MIDN: variants seen among roughly 807,000 people sequenced by gnomAD.
MIDN encodes midbrain nucleolar protein.
MIDN carries 26 observed loss-of-function variants against 46.1 expected under a neutral mutation model. The ratio of observed to expected loss-of-function variants is 0.56; its 90% confidence interval spans 0.41 to 0.78. The LOEUF is 0.78. Among genes scored for constraint, MIDN ranks in the 30% least tolerant of loss-of-function variants. The pLI, the probability that MIDN is intolerant of heterozygous loss-of-function variation, is 0.00. For missense variants in MIDN, 850 were observed against 771.8 expected (o/e 1.10, Z -1.20); for synonymous variants, 432 against 343.3 (o/e 1.26, Z -2.86).
At chr19:1,250,569 C>G in intron 2 of MIDN, 40 bp downstream of exon 2, 1 of 1,071,708 alleles carries the variant, frequency 9.3e-7, no homozygotes, top group Middle Eastern at 3.6e-4. Context: ...CCCCTCGGGC[C>G]CCGGCCCCCG....
At chr19:1,253,157 GGT>G (rs1452761706) in intron 4 of MIDN, among the ~76,000 whole-genome samples, 1 of 152,022 alleles carries the variant, frequency 6.6e-6, no homozygotes, top group Non-Finnish European at 1.5e-5. Flanking sequence ...GGCGGGTGGT[GGT>G]GGGGACTCCA....
Position 1,257,171 on chromosome 19 carries a change from G to A in MIDN, c.1435G>A (p.Gly479Ser), listed in dbSNP as rs537671815. 7.3e-5 allele frequency: 117 copies of A among 1,611,638 alleles called. 1 individual carries two copies. In the South Asian group the frequency reaches 1.2e-3, roughly 16 times the overall value. ...RSDSSSSGGG[G>S]SPSEASGLGL... Reference sequence around the variant, plus strand: ...CGACAGCAGTAGCAGCGGGGGCGGCGGCAGCCCCAGCGAGGCCTCCGGCTT... The same window carrying A: ...CGACAGCAGTAGCAGCGGGGGCGGCAGCAGCCCCAGCGAGGCCTCCGGCTT... The change falls in exon 9 of 9, where the codon GGC becomes AGC. Residue 479 changes from glycine to serine, a missense_variant. Coordinates refer to ENST00000682408, the MANE Select transcript of MIDN (RefSeq NM_001388306.1).
In MIDN at chr19:1,257,490, C is replaced by T. The variant is rs907074940; in HGVS notation, c.*218C>T. On this transcript the variant is annotated 3_prime_UTR_variant, in exon 9 of 9. Coordinates refer to ENST00000682408, the MANE Select transcript of MIDN (RefSeq NM_001388306.1). ...TCTTCATGGGCTTTGCTTCCTACCTCCTTCACCCTTCACTCCTGCCCTCCT... is the reference window on the plus strand; with the variant it reads ...TCTTCATGGGCTTTGCTTCCTACCTTCTTCACCCTTCACTCCTGCCCTCCT... The T allele has an allele frequency of 5.8e-6, 3 of 517,862 alleles. No individual in the cohort carries two copies. Among genetic ancestry groups the T allele is most frequent in the African/African-American group, 2.0e-5 (1 of 49,092 alleles). The allele number at this position is 517,862 out of a possible 1,614,324, so 32.1% of individuals were successfully genotyped here.
rs1055637223 is a variant in MIDN, at chr19:1,257,640, G to A, written c.*368G>A. On this transcript the variant is annotated 3_prime_UTR_variant, in exon 9 of 9. Coordinates refer to ENST00000682408, the MANE Select transcript of MIDN (RefSeq NM_001388306.1). ...CTGGATGGCGGAGAGTGAAGGAGACGGAGAAACGCGCCCCATCCCTTCCGC... is the reference window on the plus strand; with the variant it reads ...CTGGATGGCGGAGAGTGAAGGAGACAGAGAAACGCGCCCCATCCCTTCCGC... The A allele has an allele frequency of 2.6e-5, 6 of 233,176 alleles. No homozygotes were observed. The highest frequency in any genetic ancestry group is 1.2e-4 in the African/African-American group (5 of 43,182). 14.4% of individuals were successfully genotyped at this position (233,176 alleles called of 1,614,324 possible).
chr19:1,254,887 C>T lies in MIDN; in HGVS notation c.826-15C>T, dbSNP rs773168626. 17 of 1,593,950 alleles carry T rather than the reference C, an allele frequency of 1.1e-5. No homozygotes were observed. The highest frequency in any genetic ancestry group is 3.4e-4 in the Middle Eastern group (2 of 5,954). The stretch of plus-strand genomic sequence containing the variant: ...ATCCTGGACCCCGTGCTCATGTGCC[C>T]CTTCCTCCCATCAGCAGATGGACTG... On this transcript the variant is annotated splice_polypyrimidine_tract_variant and intron_variant, in intron 6 of 8. Transcript: ENST00000682408.
rs2081226402 is a variant in MIDN at position 1,258,276 on chromosome 19, ACTGT to A, written c.*1008_*1011del. On this transcript the variant is annotated 3_prime_UTR_variant, in exon 9 of 9. Transcript: ENST00000682408. ...CCAACCTGAGGGATGTGGATTTGGGACTGTCTGGGGGCCCCTCCTGCAGCGAGGA... is the reference window on the plus strand; with the variant it reads ...CCAACCTGAGGGATGTGGATTTGGGACTGGGGGCCCCTCCTGCAGCGAGGA... The A allele has an allele frequency of 6.6e-6, 1 of 152,458 alleles. No homozygotes were observed. Among genetic ancestry groups the A allele is most frequent in the African/African-American group, 2.4e-5 (1 of 41,398 alleles). The allele number at this position is 152,458 out of a possible 1,614,324, so 9.4% of individuals were successfully genotyped here.
intron 7 of MIDN, 150 bp from the exon 8 acceptor site, chr19:1,255,272 G>A (rs549075254): frequency 1.2e-5 from 14 of 1,184,608 alleles, no homozygotes; most frequent in Admixed American, 2.7e-5. Context: ...TACTGGGGAC[G>A]TGTCCCGCTC....
Position 1,257,206 on chromosome 19 carries a change from C to G in MIDN, c.1470C>G (p.Asp490Glu). 6.2e-7 allele frequency: 1 copy of G among 1,612,068 alleles called. No homozygotes were observed. Among genetic ancestry groups the G allele is most frequent in the African/African-American group, 1.3e-5 (1 of 74,896 alleles). ...SPSEASGLGLDFEDSVWKPEV... is the reference protein window; with the variant it reads ...SPSEASGLGLEFEDSVWKPEV... Reference sequence around the variant, plus strand: ...GCGAGGCCTCCGGCTTGGGCCTCGACTTCGAGGACTCCGTGTGGAAGCCAG... The same window carrying G: ...GCGAGGCCTCCGGCTTGGGCCTCGAGTTCGAGGACTCCGTGTGGAAGCCAG... The change falls in exon 9 of 9, where the codon GAC (aspartate) becomes GAG (glutamate). Residue 490 changes from aspartate to glutamate, a missense_variant. Asp to Glu is a conservative substitution (Grantham distance 45). Coordinates refer to ENST00000682408, the MANE Select transcript of MIDN (RefSeq NM_001388306.1).
At position 1,250,514 on chromosome 19, in the gene MIDN, T is replaced by C; in HGVS notation, c.218T>C (p.Leu73Pro). The change falls in exon 2 of 9, where the codon CTT becomes CCT. Residue 73 changes from leucine (L) to proline (P), a missense_variant. Physicochemically the swap from Leu to Pro is moderately conservative, Grantham distance 98. Transcript: ENST00000682408. ...AAAGTGCCCAAGGAGCGCCTGGCTCTTCTCCACAAAGACACGTAGGTACCG... is the reference window on the plus strand; with the variant it reads ...AAAGTGCCCAAGGAGCGCCTGGCTCCTCTCCACAAAGACACGTAGGTACCG... The part of the protein sequence containing the change: ...RLKVPKERLA[L>P]LHKDTRLSSG... 7.6e-7 allele frequency: 1 copy of C among 1,315,924 alleles called. No homozygotes were observed. The highest frequency in any genetic ancestry group is 9.9e-7 in the Non-Finnish European group (1 of 1,007,626). 81.5% of individuals were successfully genotyped at this position (1,315,924 alleles called of 1,614,324 possible).
Position 1,254,395 on chromosome 19 carries a change from C to T in MIDN, c.742C>T (p.Pro248Ser), listed in dbSNP as rs371141933. Residue 248 changes from proline (P) to serine (S), a missense_variant, in exon 6 of 9, where the codon CCC becomes TCC. By Grantham distance (74) the Pro-to-Ser change is moderately conservative (BLOSUM62 -1). Coordinates refer to ENST00000682408, the MANE Select transcript of MIDN (RefSeq NM_001388306.1). ...CAGTGCCGCCCGAGTCCCCCCGGTG[C>T]CCACCAGCCCGTCCCCTGCATCTCC... The part of the protein sequence containing the change: ...VSSAARVPPV[P>S]TSPSPASPSP... The T allele has an allele frequency of 1.9e-6, 3 of 1,562,166 alleles. No homozygotes were observed. The highest frequency in any genetic ancestry group is 1.4e-5 in the African/African-American group (1 of 74,024).
chr19:1,256,131 C>G (rs955338345), intron 8 of MIDN, among the ~76,000 whole-genome samples: 3 of 152,374 alleles, frequency 2.0e-5, no homozygotes, highest in Admixed American at 2.0e-4. Context: ...CAGAAGATGG[C>G]TACTGTACTG....
chr19:1,251,682 G>T (rs776314986), intron 3 of MIDN, 33 bp downstream of exon 3: 3 of 1,589,168 alleles, frequency 1.9e-6, no homozygotes, highest in Non-Finnish European at 2.6e-6. Context: ...GCCCCCAGAG[G>T]CCCCCGCACA....
At position 1,255,478 on chromosome 19, in the gene MIDN, A is replaced by G; in HGVS notation, c.1042A>G (p.Thr348Ala). The change falls in exon 8 of 9, where the codon ACC (threonine) becomes GCC (alanine). Residue 348 changes from threonine to alanine, a missense_variant. Physicochemically the swap from Thr to Ala is moderately conservative, Grantham distance 58. Transcript: ENST00000682408. ...CGGGCGGCCGCGGCGTGACATCGGCACCATCCTGCAGATCCTGAACGACCT... is the reference window on the plus strand; with the variant it reads ...CGGGCGGCCGCGGCGTGACATCGGCGCCATCCTGCAGATCCTGAACGACCT... Reference protein sequence around the residue: ...SSGRPRRDIGTILQILNDLLS... With the variant: ...SSGRPRRDIGAILQILNDLLS... 2 of 1,610,080 alleles carry G rather than the reference A, an allele frequency of 1.2e-6. No individual in the cohort carries two copies. Among genetic ancestry groups the G allele is most frequent in the Non-Finnish European group, 1.7e-6 (2 of 1,178,828 alleles).
intron 4 of MIDN, among the ~76,000 whole-genome samples, chr19:1,252,805 G>T (rs1599980411): frequency 6.6e-6 from 1 of 152,296 alleles, no homozygotes; most frequent in East Asian, 1.9e-4. Flanking sequence ...GCGGGGGCAG[G>T]GCGGGGGCCG....
Position 1,251,883 on chromosome 19 carries a change from G to C in MIDN, c.366G>C (p.Glu122Asp). The C allele has an allele frequency of 1.2e-6, 2 of 1,613,366 alleles. No individual in the cohort carries two copies. Among genetic ancestry groups the C allele is most frequent in the Non-Finnish European group, 8.5e-7 (1 of 1,179,766 alleles). Residue 122 changes from glutamate to aspartate, a missense_variant, in exon 4 of 9, where the codon GAG becomes GAC. Physicochemically the swap from Glu to Asp is conservative, Grantham distance 45. Coordinates refer to ENST00000682408, the MANE Select transcript of MIDN (RefSeq NM_001388306.1). ...AACAGTCCGTGATGCAAGCTCTCGA[G>C]AGTCTCACGGAGACGCAGGTAAGAC... ...RPEQSVMQAL[E>D]SLTETQPPAA...
chr19:1,250,162 G>C lies in MIDN; in HGVS notation c.-135G>C, dbSNP rs2081106243. 1 of 212,706 alleles carries C rather than the reference G, an allele frequency of 4.7e-6. No individual in the cohort carries two copies. Among genetic ancestry groups the C allele is most frequent in the Non-Finnish European group, 8.1e-6 (1 of 123,726 alleles). The allele number at this position is 212,706 out of a possible 1,614,324, so 13.2% of individuals were successfully genotyped here. ...CGCATTCCGCGGCCGGGACTTTCTC[G>C]AGGAGGACGCGCGCTGCTCCGCGCC... On this transcript the variant is annotated 5_prime_UTR_variant, in exon 2 of 9. Transcript: ENST00000682408.
Position 1,257,164 on chromosome 19 carries a change from G to C in MIDN, c.1428G>C (p.Gly476=), listed in dbSNP as rs145309911. The part of the protein sequence containing the change: ...KAGRSDSSSS[G]GGGSPSEASG... ...GCCGCAGCGACAGCAGTAGCAGCGG[G>C]GGCGGCGGCAGCCCCAGCGAGGCCT... Residue 476 remains glycine, a synonymous_variant, in exon 9 of 9, where the codon GGG becomes GGC. Transcript: ENST00000682408. 2 of 1,611,608 alleles carry C rather than the reference G, an allele frequency of 1.2e-6. No individual in the cohort carries two copies. Among genetic ancestry groups the C allele is most frequent in the Non-Finnish European group, 1.7e-6 (2 of 1,179,240 alleles).
intron 1 of MIDN, among the ~76,000 whole-genome samples, chr19:1,249,161 C>T (rs2081090347): frequency 6.7e-6 from 1 of 149,622 alleles, no homozygotes; most frequent in Non-Finnish European, 1.5e-5. Context: ...ACGGCTCGAG[C>T]GGGCGCGCCT....
chr19:1,252,421 A>G (rs7507956), intron 4 of MIDN, among the ~76,000 whole-genome samples: 1 of 148,884 alleles, frequency 6.7e-6, no homozygotes, highest in South Asian at 2.2e-4. Context: ...CCGAAAGGGG[A>G]GGGGGCGGGG....
Sources: gnomAD v4.1 joint callset for allele counts (sites outside exome capture counted in the v4.1 genomes callset) on GRCh38, gnomAD v4.1.1 for gene constraint, MANE v1.5 for transcripts, NCBI Gene and HGNC (gene_info 2026-07-23, HGNC 2026-07-21) for gene names.